Variants in MAST2 observed in about 807,000 individuals in gnomAD.
MAST2 encodes the protein microtubule-associated serine/threonine-protein kinase 2.
MAST2 carries 70 observed loss-of-function variants against 147.4 expected under a neutral mutation model. The ratio of observed to expected loss-of-function variants is 0.47; its 90% CI spans 0.39 to 0.58. The LOEUF is 0.58. Among genes scored for constraint, MAST2 ranks in the 20% least tolerant of loss-of-function variants. The probability of loss-of-function intolerance (pLI) is 0.00; values close to 1 mark genes in which losing one functional copy is unlikely to be tolerated. For synonymous variants in MAST2, 869 were observed against 896.8 expected (o/e 0.97, Z 0.55); for missense variants, 2,080 against 2,302.3 (o/e 0.90, Z 1.98).
chr1:45,865,211 G>A (rs1646105198), intron 3 of MAST2: 1 of 430,856 alleles, frequency 2.3e-6, no homozygotes, highest in Non-Finnish European at 4.6e-6. Context: ...TGAACAGATT[G>A]TTATAATGTA....
chr1:45,822,829 T>C (rs1644677310), intron 1 of MAST2, among the ~76,000 whole-genome samples: 3 of 152,220 alleles, frequency 2.0e-5, no homozygotes, highest in Non-Finnish European at 4.4e-5. Flanking sequence ...CCTTGATCCA[T>C]AGGTACTGTT....
intron 3 of MAST2, among the ~76,000 whole-genome samples, chr1:45,838,519 A>T (rs113898427): frequency 6.6e-6 from 1 of 152,106 alleles, no homozygotes; most frequent in Non-Finnish European, 1.5e-5. Flanking sequence ...CAATGCGCCC[A>T]GTCAGCTATT....
At chr1:45,975,744 A>G (rs567642475) in intron 5 of MAST2, among the ~76,000 whole-genome samples, 2 of 151,938 alleles carry the variant, frequency 1.3e-5, no homozygotes, top group African/African-American at 4.8e-5. Flanking sequence ...TAAACTGCTA[A>G]TCAAATATGG....
intron 3 of MAST2, among the ~76,000 whole-genome samples, chr1:45,839,533 G>A (rs1005774067): frequency 2.6e-5 from 4 of 152,036 alleles, no homozygotes; most frequent in South Asian, 2.1e-4. Flanking sequence ...CTGGCCTCCC[G>A]AAATGCTGGC....
intron 3 of MAST2, among the ~76,000 whole-genome samples, chr1:45,879,700 A>G (rs969973658): frequency 7.9e-5 from 12 of 152,150 alleles, no homozygotes; most frequent in African/African-American, 2.9e-4. Flanking sequence ...TTATAATTCA[A>G]TAGTAAAAAG....
intron 10 of MAST2, among the ~76,000 whole-genome samples, chr1:46,011,323 A>G (rs1405742762): frequency 6.6e-6 from 1 of 152,204 alleles, no homozygotes; most frequent in Admixed American, 6.5e-5. Flanking sequence ...GAGCCTTCAG[A>G]CTATTTATCC....
intron 10 of MAST2, among the ~76,000 whole-genome samples, chr1:46,013,607 T>C (rs1645806790): frequency 6.6e-6 from 1 of 151,070 alleles, no homozygotes; most frequent in Non-Finnish European, 1.5e-5. Flanking sequence ...TTGAACTCAG[T>C]AGGTGGAGGT....
intron 21 of MAST2, 100 bp downstream of exon 21, chr1:46,030,338 T>C: frequency 1.7e-6 from 2 of 1,191,012 alleles, no homozygotes; most frequent in Non-Finnish European, 2.4e-6. Flanking sequence ...GGAGTTGGGG[T>C]TGGGGCCACC....
At chr1:45,852,578 C>A (rs145093803) in intron 3 of MAST2, among the ~76,000 whole-genome samples, 80 of 150,900 alleles carry the variant, frequency 5.3e-4, no homozygotes, top group East Asian at 4.3e-3. Context: ...GCTATGTTGC[C>A]CAGACTGGTC....
Position 45,935,516 on chromosome 1 carries a change from A to T in MAST2, c.501-23870A>T, listed in dbSNP as rs1051429298. ...TTTTAGGGTTTCTACTAGGGTTGTT[A>T]TAGTTTTAGGTTTTACCTGTAAGCC... On this transcript the variant is annotated intron_variant, in intron 4 of 28. Coordinates refer to ENST00000361297, the MANE Select transcript of MAST2 (RefSeq NM_015112.3). Among the ~76,000 whole-genome samples the T allele has an allele frequency of 3.9e-5, 6 of 152,138 alleles. No homozygotes were observed. The East Asian group carries it at 5.8e-4, about 15-fold the overall frequency.
chr1:45,960,037 T>C (rs72692627), intron 5 of MAST2, among the ~76,000 whole-genome samples: 8,426 of 152,230 alleles, frequency 0.055, 349 homozygotes, highest in Non-Finnish European at 0.077. Context: ...TCCAAAGTAC[T>C]GGGATTATAG....
chr1:45,951,245 GA>G (rs1353702652), intron 4 of MAST2, among the ~76,000 whole-genome samples: 5 of 151,970 alleles, frequency 3.3e-5, no homozygotes, highest in African/African-American at 1.2e-4. Flanking sequence ...AGTAACATTA[GA>G]GATTAAGACT....
intron 1 of MAST2, among the ~76,000 whole-genome samples, chr1:45,804,562 G>A (rs1644083583): frequency 6.6e-6 from 1 of 152,142 alleles, no homozygotes; most frequent in Admixed American, 6.5e-5. Flanking sequence ...TCATTGTTAA[G>A]GCTCTCTTTA....
At chr1:45,898,057 C>T (rs952723589) in intron 4 of MAST2, among the ~76,000 whole-genome samples, 2 of 151,918 alleles carry the variant, frequency 1.3e-5, no homozygotes, top group African/African-American at 2.4e-5. Context: ...TGCAGGGAGC[C>T]GAGATGGCTC....
intron 4 of MAST2, among the ~76,000 whole-genome samples, chr1:45,930,947 C>G (rs902797680): frequency 6.6e-6 from 1 of 152,214 alleles, no homozygotes; most frequent in East Asian, 1.9e-4. Context: ...CTTGTCCTAA[C>G]CCATACTGAA....
Position 46,008,309 on chromosome 1 carries a change from C to G in MAST2, c.916C>G (p.Pro306Ala). 6.2e-7 allele frequency: 1 copy of G among 1,611,252 alleles called. No individual in the cohort carries two copies. The highest frequency in any genetic ancestry group is 8.5e-7 in the Non-Finnish European group (1 of 1,177,458). The change falls in exon 9 of 29, where the codon CCA becomes GCA. Residue 306 changes from proline to alanine, a missense_variant. Around this residue, in one of 4 missense-constraint regions of MAST2, gnomAD observed 569 missense variants for 642.5 expected, o/e 0.89. Coordinates refer to ENST00000361297, the MANE Select transcript of MAST2 (RefSeq NM_015112.3). The part of the protein sequence containing the change: ...RSRSLSPGRS[P>A]VSFDSEIIMM... ...TTTCTTTTTTAGTCCCGGACGATCC[C>G]CAGTATCCTTTGACAGTGAAATAAT...
chr1:45,838,606 T>C (rs1333841712), intron 3 of MAST2, among the ~76,000 whole-genome samples: 2 of 152,222 alleles, frequency 1.3e-5, no homozygotes, highest in African/African-American at 4.8e-5. Context: ...TTTTGTCTTA[T>C]TGAGTTTCAG....
intron 4 of MAST2, among the ~76,000 whole-genome samples, chr1:45,932,675 A>G (rs1392213730): frequency 1.3e-5 from 2 of 152,134 alleles, no homozygotes; most frequent in African/African-American, 4.8e-5. Flanking sequence ...TCTGTCTTTC[A>G]ACTGCCCCCT....
chr1:45,948,886 G>A (rs921368319), intron 4 of MAST2, among the ~76,000 whole-genome samples: 1 of 151,872 alleles, frequency 6.6e-6, no homozygotes, highest in Non-Finnish European at 1.5e-5. Flanking sequence ...ACAGAACAGA[G>A]AGCCTATTTT....
Sources: gnomAD v4.1 joint callset for allele counts (sites outside exome capture counted in the v4.1 genomes callset) on GRCh38, gnomAD v4.1.1 for gene constraint, gnomAD v4.1.1 regional missense constraint, MANE v1.5 for transcripts, NCBI Gene and HGNC (gene_info 2026-07-23, HGNC 2026-07-21) for gene names.